Variants in CNTNAP5 observed in about 807,000 individuals in gnomAD.
CNTNAP5 encodes contactin-associated protein-like 5.
Under a neutral mutation model 150.2 loss-of-function variants are expected in CNTNAP5, and 72 were observed. That is an observed-to-expected ratio of 0.48 (90% CI 0.40 to 0.58). The LOEUF (loss-of-function observed/expected upper bound fraction) is 0.58. Among genes scored for constraint, CNTNAP5 ranks in the 20% least tolerant of loss-of-function variants. The pLI is 0.00. For synonymous variants in CNTNAP5, 672 were observed against 619.8 expected, an observed-to-expected ratio of 1.08 and a Z score of -1.25; for missense variants, 1,636 against 1,626.2, an observed-to-expected ratio of 1.01 and a Z score of -0.10.
intron 3 of CNTNAP5, among the ~76,000 whole-genome samples, chr2:124,394,598 T>G (rs935227516): frequency 6.6e-6 from 1 of 152,124 alleles, no homozygotes; most frequent in African/African-American, 2.4e-5. Flanking sequence ...GAACACTCAA[T>G]GAGGATTTGC....
intron 1 of CNTNAP5, among the ~76,000 whole-genome samples, chr2:124,184,491 A>T (rs1685283522): frequency 1.3e-5 from 2 of 152,226 alleles, no homozygotes; most frequent in Non-Finnish European, 2.9e-5. Context: ...AAAGTTATTC[A>T]TTGTCAAATT....
At position 124,804,982 on chromosome 2, in the gene CNTNAP5, TA is replaced by T. The variant is rs537701451; in HGVS notation, c.3217+6667del. Among the ~76,000 whole-genome samples the T allele has an allele frequency of 6.3e-4, 96 of 152,196 alleles. 2 individuals are homozygous for T. The South Asian group carries it at 0.01, about 16-fold the overall frequency. On this transcript the variant is annotated intron_variant, in intron 19 of 23. Coordinates refer to ENST00000682447, the MANE Select transcript of CNTNAP5 (RefSeq NM_001367498.1). ...GGCTAGAATTTGGGGAATTTGGGGT[TA>T]AAAATTAATACTCCTCTTTGTATGA...
At chr2:124,668,461 C>T (rs913471908) in intron 13 of CNTNAP5, among the ~76,000 whole-genome samples, 1 of 152,148 alleles carries the variant, frequency 6.6e-6, no homozygotes. Flanking sequence ...ATAAATTGCC[C>T]TGGAAACTGT....
intron 1 of CNTNAP5, among the ~76,000 whole-genome samples, chr2:124,203,978 G>A (rs1037826336): frequency 3.3e-5 from 5 of 152,250 alleles, no homozygotes; most frequent in African/African-American, 9.6e-5. Context: ...ATCAAAAAAT[G>A]TTTTTTTGTT....
In CNTNAP5 at chr2:124,312,762, G is replaced by C. The variant is rs1477871059; in HGVS notation, c.381+70369G>C. On this transcript the variant is annotated intron_variant, in intron 3 of 23. Transcript: ENST00000682447. ...ATTTTTTGTATTTTTAGTAGAGACGGGGTTTCACCATGTTAGCCAGGATGG... is the reference window on the plus strand; with the variant it reads ...ATTTTTTGTATTTTTAGTAGAGACGCGGTTTCACCATGTTAGCCAGGATGG... Among the ~76,000 whole-genome samples the C allele has an allele frequency of 2.0e-5, 3 of 152,274 alleles. No individual in the cohort carries two copies. The East Asian group carries it at 5.8e-4, about 29-fold the overall frequency.
intron 12 of CNTNAP5, among the ~76,000 whole-genome samples, chr2:124,625,999 A>G (rs1378605003): frequency 6.6e-6 from 1 of 152,144 alleles, no homozygotes. Flanking sequence ...TCTTACCTCA[A>G]TGAGTTGTAC....
At chr2:124,696,498 C>G (rs954809007) in intron 13 of CNTNAP5, among the ~76,000 whole-genome samples, 2 of 152,138 alleles carry the variant, frequency 1.3e-5, no homozygotes, top group Admixed American at 6.5e-5. Context: ...TGATTCCTGT[C>G]TAGTGGCCAT....
chr2:124,165,519 C>T (rs1330278722), intron 1 of CNTNAP5, among the ~76,000 whole-genome samples: 1 of 152,026 alleles, frequency 6.6e-6, no homozygotes, highest in African/African-American at 2.4e-5. Flanking sequence ...TAGTGTTTAC[C>T]AGAATGCCTG....
At chr2:124,410,734 G>A (rs1482127733) in intron 3 of CNTNAP5, among the ~76,000 whole-genome samples, 28 of 151,664 alleles carry the variant, frequency 1.8e-4, no homozygotes, top group African/African-American at 6.8e-4. Flanking sequence ...AGAGCAGTGT[G>A]TAGAGGGAAA....
chr2:124,733,541 GA>G (rs1442291976), intron 13 of CNTNAP5, among the ~76,000 whole-genome samples: 4 of 151,870 alleles, frequency 2.6e-5, no homozygotes, highest in Admixed American at 2.0e-4. Flanking sequence ...AAACGAACAA[GA>G]TTTTTTTTTT....
At chr2:124,258,108 C>T (rs187000017) in intron 3 of CNTNAP5, among the ~76,000 whole-genome samples, 1 of 152,086 alleles carries the variant, frequency 6.6e-6, no homozygotes, top group South Asian at 2.1e-4. Context: ...CCTGGCATGA[C>T]ATAAATACCC....
At chr2:124,534,308 G>A (rs1240494505) in intron 10 of CNTNAP5, among the ~76,000 whole-genome samples, 1 of 152,118 alleles carries the variant, frequency 6.6e-6, no homozygotes, top group Non-Finnish European at 1.5e-5. Context: ...GTGAAAGCAA[G>A]TTTATTAAGA....
intron 19 of CNTNAP5, among the ~76,000 whole-genome samples, chr2:124,812,613 G>C (rs1682261451): frequency 6.6e-6 from 1 of 152,140 alleles, no homozygotes; most frequent in Admixed American, 6.5e-5. Context: ...ATAAAGCTTT[G>C]GTTTCCACAA....
intron 1 of CNTNAP5, among the ~76,000 whole-genome samples, chr2:124,180,930 A>C (rs2104679824): frequency 6.6e-6 from 1 of 152,188 alleles, no homozygotes; most frequent in East Asian, 1.9e-4. Context: ...GCCTGGTAAA[A>C]GCCAAGGGCT....
chr2:124,079,272 A>G (rs565742977), intron 1 of CNTNAP5, among the ~76,000 whole-genome samples: 1 of 152,260 alleles, frequency 6.6e-6, no homozygotes, highest in African/African-American at 2.4e-5. Flanking sequence ...ACAGCCTTCA[A>G]ACTCTGGTTT....
rs919012573 is a variant in CNTNAP5 at position 124,434,523 on chromosome 2, T to A, written c.569T>A (p.Leu190Gln). ...GACTTTGATGGCCGAAGCTCACTTCTGTACAGGTTCAATCAGAAGTTGATG... is the reference window on the plus strand; with the variant it reads ...GACTTTGATGGCCGAAGCTCACTTCAGTACAGGTTCAATCAGAAGTTGATG... Reference protein sequence around the residue: ...VADFDGRSSLLYRFNQKLMST... With the variant: ...VADFDGRSSLQYRFNQKLMST... The change falls in exon 5 of 24, where the codon CTG (leucine) becomes CAG (glutamine). Residue 190 changes from leucine (L) to glutamine (Q), a missense_variant. Physicochemically the swap from Leu to Gln is moderately radical, Grantham distance 113. Coordinates refer to ENST00000682447, the MANE Select transcript of CNTNAP5 (RefSeq NM_001367498.1). 8 of 1,613,988 alleles carry A rather than the reference T, an allele frequency of 5.0e-6. No homozygotes were observed. The Admixed American group carries it at 1.2e-4, about 24-fold the overall frequency.
intron 10 of CNTNAP5, among the ~76,000 whole-genome samples, chr2:124,548,933 G>C (rs1169757568): frequency 1.3e-5 from 2 of 152,126 alleles, no homozygotes; most frequent in African/African-American, 4.8e-5. Context: ...CTATATGACT[G>C]AATCTTGTCA....
chr2:124,482,830 G>A lies in CNTNAP5; in HGVS notation c.1062+7948G>A, dbSNP rs549047149. 4.8e-4 allele frequency among the ~76,000 whole-genome samples: 73 copies of A among 152,286 alleles called. 1 individual carries two copies. The highest frequency in any genetic ancestry group is 8.3e-4 in the South Asian group (4 of 4,828). The stretch of plus-strand genomic sequence containing the variant: ...GGCGAATGCTGCAAAGGGTCAAAGC[G>A]CTTCCCCAGAAACTCAGCCCTTTGT... On this transcript the variant is annotated intron_variant, in intron 7 of 23. Transcript: ENST00000682447.
In CNTNAP5 at chr2:124,446,926, A is replaced by C; in HGVS notation, c.907A>C (p.Ile303Leu). Residue 303 changes from isoleucine to leucine, a missense_variant, in exon 6 of 24, where the codon ATT becomes CTT. Coordinates refer to ENST00000682447, the MANE Select transcript of CNTNAP5 (RefSeq NM_001367498.1). The stretch of plus-strand genomic sequence containing the variant: ...CAAGGGCGAGACGGATGCCTTAGAC[A>C]TTGACTATGAGGTGAGTTGATCCTC... ...RTKGETDALD[I>L]DYELSFGGIP... 1.9e-6 allele frequency: 3 copies of C among 1,613,210 alleles called. No individual in the cohort carries two copies. Among genetic ancestry groups the C allele is most frequent in the Non-Finnish European group, 2.5e-6 (3 of 1,179,452 alleles).
Sources: gnomAD v4.1 joint callset for allele counts (sites outside exome capture counted in the v4.1 genomes callset) on GRCh38, gnomAD v4.1.1 for gene constraint, MANE v1.5 for transcripts, NCBI Gene and HGNC (gene_info 2026-07-23, HGNC 2026-07-21) for gene names.